Variants in EXD3 observed in about 807,000 individuals in gnomAD.
EXD3 encodes exonuclease mut-7 homolog.
Under a neutral mutation model 98.0 loss-of-function variants are expected in EXD3, and 92 were observed. The observed-to-expected ratio is 0.94, with a 90% CI of 0.79 to 1.12. EXD3 has a LOEUF of 1.12. Among genes scored for constraint, EXD3 ranks in the 50% most tolerant of loss-of-function variants. EXD3 has a pLI of 0.00. For missense variants in EXD3, 1,222 were observed against 1,191.6 expected (o/e 1.03, Z -0.38); for synonymous variants, 569 against 526.0 (o/e 1.08, Z -1.12).
intron 10 of EXD3, 38 bp downstream of exon 10, chr9:137,354,301 G>C (rs1042081967): frequency 5.0e-6 from 8 of 1,609,350 alleles, no homozygotes; most frequent in Admixed American, 1.7e-5. Flanking sequence ...AGCCGCCCAG[G>C]CCGCCCTGCC....
At chr9:137,382,093 G>GGCGGTGGAGGTGAGGGCGC (rs1836325903) in intron 3 of EXD3, among the ~76,000 whole-genome samples, 1 of 109,084 alleles carries the variant, frequency 9.2e-6, no homozygotes, top group Non-Finnish European at 1.8e-5. Context: ...AGGTCAGGGC[G>GGCGGTGGAGGTGAGGGCGC]GCGGTGGAGG....
Position 137,352,058 on chromosome 9 carries a change from G to T in EXD3, c.1173+8C>A, listed in dbSNP as rs1253852961. On this transcript the variant is annotated splice_region_variant and intron_variant, in intron 12 of 21. Coordinates refer to ENST00000340951, the MANE Select transcript of EXD3 (RefSeq NM_017820.5). The stretch of plus-strand genomic sequence containing the variant: ...ACCGGGCGCTGCCCCAGCGGCCGAG[G>T]GAACCACCTGCAGGAGTGCACCCTC... The T allele has an allele frequency of 1.2e-6, 2 of 1,608,866 alleles. No homozygotes were observed. The highest frequency in any genetic ancestry group is 2.2e-5 in the South Asian group (2 of 90,468).
At chr9:137,355,562 AGGGAGGATG>A (rs1564508506) in intron 8 of EXD3, among the ~76,000 whole-genome samples, 2 of 8,750 alleles carry the variant, frequency 2.3e-4, no homozygotes, top group Non-Finnish European at 2.3e-4. Flanking sequence ...GGAAGGAGGA[AGGGAGGATG>A]GAGGAAGGAG....
chr9:137,373,495 G>A lies in EXD3; in HGVS notation c.225C>T (p.Ser75=). The A allele has an allele frequency of 6.2e-7, 1 of 1,608,408 alleles. No individual in the cohort carries two copies. Among genetic ancestry groups the A allele is most frequent in the Non-Finnish European group, 8.5e-7 (1 of 1,178,374 alleles). ...SCRGQRGEGP[S]LAAWISHQLQ... ...GCTGGTGGGAGATCCAGGCCGCCAG[G>A]GAGGGGCCCTCTCCCCGCTGGCCCC... Residue 75 remains serine (S), a synonymous_variant, in exon 4 of 22, where the codon TCC becomes TCT. Coordinates refer to ENST00000340951, the MANE Select transcript of EXD3 (RefSeq NM_017820.5).
Position 137,347,037 on chromosome 9 carries a change from AAC to A in EXD3, c.1998+1032_1998+1033del, listed in dbSNP as rs1173921603. Among the ~76,000 whole-genome samples, 2 of 151,982 alleles carry A rather than the reference AAC, an allele frequency of 1.3e-5. No individual in the cohort carries two copies. The highest frequency in any genetic ancestry group is 4.8e-5 in the African/African-American group (2 of 41,352). On this transcript the variant is annotated intron_variant, in intron 17 of 21. Transcript: ENST00000340951. This position sits in a 1 kb window ranked among gnomAD's most constrained non-coding sequence, Gnocchi z 4.2. Reference sequence around the variant, plus strand: ...CACCATCTTGGCCAGGCTGGTCTTGAACCCCTGACCTTGTGATCCACCCGCCT... The same window carrying A: ...CACCATCTTGGCCAGGCTGGTCTTGACCCTGACCTTGTGATCCACCCGCCT...
At chr9:137,369,526 A>G (rs1835483127) in intron 5 of EXD3, among the ~76,000 whole-genome samples, 1 of 152,170 alleles carries the variant, frequency 6.6e-6, no homozygotes. Context: ...CCAGGCCCTG[A>G]GCAGGTGACG....
rs184025876 is a variant in EXD3 at position 137,332,574 on chromosome 9, T to C, written c.1999-8431A>G. ...GGTACATGGTATTGGCCAGGCGCAG[T>C]GGCTCACGCCTGTAATCCCAGCACT... On this transcript the variant is annotated intron_variant, in intron 17 of 21. Coordinates refer to ENST00000340951, the MANE Select transcript of EXD3 (RefSeq NM_017820.5). 2.9e-3 allele frequency among the ~76,000 whole-genome samples: 438 copies of C among 148,486 alleles called. 2 individuals are homozygous for C. The highest frequency in any genetic ancestry group is 0.025 in the East Asian group (124 of 5,032).
At chr9:137,312,030 T>G (rs1285355563) in intron 19 of EXD3, among the ~76,000 whole-genome samples, 14 of 152,164 alleles carry the variant, frequency 9.2e-5, no homozygotes, top group Middle Eastern at 6.8e-3. Flanking sequence ...GCTTGCTGAG[T>G]CACAGGGCAC....
intron 17 of EXD3, among the ~76,000 whole-genome samples, chr9:137,335,873 G>C (rs772582516): frequency 4.6e-5 from 7 of 151,962 alleles, no homozygotes; most frequent in Non-Finnish European, 7.4e-5. Context: ...CAACTGCAAA[G>C]ACATGGAACT....
At chr9:137,313,992 C>T (rs1831500808) in intron 19 of EXD3, among the ~76,000 whole-genome samples, 1 of 152,024 alleles carries the variant, frequency 6.6e-6, no homozygotes, top group Non-Finnish European at 1.5e-5. Flanking sequence ...GCCAGTGTGC[C>T]GTCCCAGGAT....
At chr9:137,391,253 C>T (rs569664827) in intron 2 of EXD3, among the ~76,000 whole-genome samples, 3 of 152,288 alleles carry the variant, frequency 2.0e-5, no homozygotes, top group South Asian at 2.1e-4. Context: ...CACGGAGCTT[C>T]GTAGGAAAAG....
chr9:137,352,025 A>T, intron 12 of EXD3, 41 bp downstream of exon 12: 2 of 1,572,814 alleles, frequency 1.3e-6, no homozygotes, highest in Non-Finnish European at 1.7e-6. Flanking sequence ...TGGCAGGGGG[A>T]TCCCACCACC....
rs558875862 is a variant in EXD3, at chr9:137,311,504, C to T, written c.2185-1804G>A. Among the ~76,000 whole-genome samples, 39 of 152,344 alleles carry T rather than the reference C, an allele frequency of 2.6e-4. 1 individual carries two copies. The South Asian group carries it at 7.7e-3, about 30-fold the overall frequency. On this transcript the variant is annotated intron_variant, in intron 19 of 21. Coordinates refer to ENST00000340951, the MANE Select transcript of EXD3 (RefSeq NM_017820.5). ...ACCCCCAAATACTCCACATGGGGTC[C>T]GGGGCCTTCCCAGGACCTGGGCCAG...
At chr9:137,402,634 G>A (rs1837527301) in intron 1 of EXD3, among the ~76,000 whole-genome samples, 1 of 152,122 alleles carries the variant, frequency 6.6e-6, no homozygotes, top group African/African-American at 2.4e-5. Flanking sequence ...TGTCTTCTGA[G>A]CCCTCCAAAC....
At chr9:137,419,086 C>T (rs891454232) in intron 1 of EXD3, among the ~76,000 whole-genome samples, 1 of 151,590 alleles carries the variant, frequency 6.6e-6, no homozygotes, top group African/African-American at 2.4e-5. Flanking sequence ...GGGAGATGTA[C>T]GAGGCTTATG....
At chr9:137,348,975 C>A in intron 16 of EXD3, 135 bp downstream of exon 16, 2 of 1,102,312 alleles carry the variant, frequency 1.8e-6, no homozygotes, top group Non-Finnish European at 1.3e-6. Flanking sequence ...CTTTGCTCCC[C>A]TCTCGCTCCA....
intron 1 of EXD3, among the ~76,000 whole-genome samples, chr9:137,398,556 C>T (rs1837322253): frequency 6.6e-6 from 1 of 151,884 alleles, no homozygotes. Flanking sequence ...CCCCAAGACA[C>T]ACAGGCAACC....
At position 137,398,924 on chromosome 9, in the gene EXD3, C is replaced by T. The variant is rs556424995; in HGVS notation, c.-47-3520G>A. On this transcript the variant is annotated intron_variant, in intron 1 of 21. Transcript: ENST00000340951. ...CAAGACACACAGGCAACCGCGTCTCCGTGACACATGTGCACCCGCGTCCCC... is the reference window on the plus strand; with the variant it reads ...CAAGACACACAGGCAACCGCGTCTCTGTGACACATGTGCACCCGCGTCCCC... Among the ~76,000 whole-genome samples, 613 of 151,862 alleles carry T rather than the reference C, an allele frequency of 4.0e-3. 3 individuals are homozygous for T. Among genetic ancestry groups the T allele is most frequent in the African/African-American group, 0.014 (581 of 41,370 alleles).
chr9:137,400,273 T>C (rs1374295382), intron 1 of EXD3, among the ~76,000 whole-genome samples: 1 of 152,094 alleles, frequency 6.6e-6, no homozygotes, highest in Admixed American at 6.6e-5. Context: ...CCTCCAAATC[T>C]CACGTCCTCA....
Sources: allele counts gnomAD v4.1 joint callset (sites outside exome capture counted in the v4.1 genomes callset), GRCh38; gene constraint gnomAD v4.1.1; non-coding constraint Gnocchi (gnomAD v3.1); transcripts MANE v1.5; gene names NCBI Gene and HGNC (gene_info 2026-07-23, HGNC 2026-07-21).